VTI1A: variants seen among roughly 807,000 people sequenced by gnomAD.
VTI1A encodes the protein vesicle transport through interaction with t-SNAREs 1A.
Under a neutral mutation model 34.9 loss-of-function variants are expected in VTI1A, and 22 were observed. The observed-to-expected ratio is 0.63, with a 90% CI of 0.45 to 0.90. The LOEUF is 0.90. Ranked by LOEUF, VTI1A falls within the 40% of genes least tolerant of loss-of-function variation. VTI1A has a pLI of 0.00. For synonymous variants in VTI1A, 87 were observed against 97.3 expected, an observed-to-expected ratio of 0.89 and a Z score of 0.62; for missense variants, 268 against 275.6, an observed-to-expected ratio of 0.97 and a Z score of 0.20.
chr10:112,475,599 A>G (rs995407483), intron 3 of VTI1A, among the ~76,000 whole-genome samples: 6 of 151,736 alleles, frequency 4.0e-5, no homozygotes, highest in African/African-American at 1.5e-4. Flanking sequence ...TGCTTTATAT[A>G]TGTATATAGT....
intron 5 of VTI1A, among the ~76,000 whole-genome samples, chr10:112,545,986 GTATATA>G (rs1564821319): frequency 4.6e-4 from 66 of 143,228 alleles, no homozygotes; most frequent in Non-Finnish European, 6.6e-4. Context: ...GTATGTGTGT[GTATATA>G]CGTGTATACG....
At chr10:112,516,426 C>CTATT (rs764932258) in intron 3 of VTI1A, among the ~76,000 whole-genome samples, 25 of 152,078 alleles carry the variant, frequency 1.6e-4, no homozygotes, top group Non-Finnish European at 2.5e-4. Context: ...TATTTGCTTT[C>CTATT]TATTTTAATA....
intron 7 of VTI1A, among the ~76,000 whole-genome samples, chr10:112,735,328 A>G (rs774509383): frequency 2.0e-5 from 3 of 152,240 alleles, no homozygotes; most frequent in Non-Finnish European, 4.4e-5. Flanking sequence ...GGGCTACTCA[A>G]ACATTTACCT....
intron 1 of VTI1A, among the ~76,000 whole-genome samples, chr10:112,452,310 C>T (rs1462809038): frequency 6.6e-6 from 1 of 152,178 alleles, no homozygotes; most frequent in Non-Finnish European, 1.5e-5. Context: ...GTGGCTCACA[C>T]TGTAATCTCA....
At chr10:112,458,081 TTGAC>T (rs1164780830) in intron 1 of VTI1A, among the ~76,000 whole-genome samples, 5 of 151,916 alleles carry the variant, frequency 3.3e-5, no homozygotes, top group Non-Finnish European at 5.9e-5. Flanking sequence ...TTCAAGAAAA[TTGAC>T]TGGTGATGAA....
chr10:112,575,281 TGAAAGTTAG>T (rs1431838625), intron 5 of VTI1A, among the ~76,000 whole-genome samples: 2 of 152,248 alleles, frequency 1.3e-5, no homozygotes, highest in Admixed American at 1.3e-4. Flanking sequence ...TGAAAACTGA[TGAAAGTTAG>T]GTTGTGTTCC....
At chr10:112,575,881 T>A (rs545675669) in intron 5 of VTI1A, among the ~76,000 whole-genome samples, 1 of 152,184 alleles carries the variant, frequency 6.6e-6, no homozygotes, top group Non-Finnish European at 1.5e-5. Context: ...TTAGATGATA[T>A]CTTGTTGAAG....
At chr10:112,513,430 T>C (rs1429648969) in intron 3 of VTI1A, among the ~76,000 whole-genome samples, 1 of 151,982 alleles carries the variant, frequency 6.6e-6, no homozygotes. Context: ...TTTTAACAGT[T>C]TTTTGGTGGC....
At chr10:112,803,865 A>C (rs996386737) in intron 7 of VTI1A, among the ~76,000 whole-genome samples, 1 of 152,192 alleles carries the variant, frequency 6.6e-6, no homozygotes, top group Non-Finnish European at 1.5e-5. Context: ...TATACCTTGC[A>C]TTTCTAGAAC....
intron 7 of VTI1A, among the ~76,000 whole-genome samples, chr10:112,677,033 A>G (rs527901870): frequency 3.3e-5 from 5 of 152,278 alleles, no homozygotes; most frequent in African/African-American, 1.2e-4. Flanking sequence ...AGTGAAAGTA[A>G]TGGCGTGGAA....
At chr10:112,527,420 T>G (rs1037450483) in intron 4 of VTI1A, 2 of 279,930 alleles carry the variant, frequency 7.1e-6, no homozygotes, top group African/African-American at 2.2e-5. Flanking sequence ...ATTTAGTACT[T>G]AAGGAATAAC....
At chr10:112,833,158 A>G in the VTI1A span, among the ~76,000 whole-genome samples, 3 of 152,060 alleles carry the variant, frequency 2.0e-5, no homozygotes, top group South Asian at 4.1e-4. Context: ...CTCCTGACAG[A>G]CATTGCTAAT....
intron 1 of VTI1A, among the ~76,000 whole-genome samples, chr10:112,459,015 C>T (rs1302649540): frequency 1.3e-5 from 2 of 152,110 alleles, no homozygotes; most frequent in African/African-American, 4.8e-5. Context: ...ATTGGCTGTC[C>T]TTCTGAAGGC....
intron 7 of VTI1A, among the ~76,000 whole-genome samples, chr10:112,687,428 T>A (rs1254103410): frequency 2.6e-5 from 4 of 151,250 alleles, no homozygotes; most frequent in African/African-American, 9.7e-5. Flanking sequence ...AGAGATGGGG[T>A]TTCACCTTGT....
chr10:112,760,889 C>CAAAA (rs10592117), intron 7 of VTI1A, among the ~76,000 whole-genome samples: 42 of 94,256 alleles, frequency 4.5e-4, no homozygotes, highest in African/African-American at 1.4e-3. Flanking sequence ...ACTCCATCTC[C>CAAAA]AAAAAAAAAA....
chr10:112,807,611 G>A (rs904645710), intron 7 of VTI1A, among the ~76,000 whole-genome samples: 17 of 152,012 alleles, frequency 1.1e-4, no homozygotes, highest in African/African-American at 9.7e-5. Context: ...CCAGCACTTC[G>A]GGGAGGCCAA....
At chr10:112,642,111 A>T (rs1846598940) in intron 5 of VTI1A, among the ~76,000 whole-genome samples, 1 of 152,172 alleles carries the variant, frequency 6.6e-6, no homozygotes. Flanking sequence ...GTAGGCCTCT[A>T]TTTACATCAA....
At chr10:112,659,356 G>A (rs1185214682) in intron 5 of VTI1A, among the ~76,000 whole-genome samples, 1 of 152,136 alleles carries the variant, frequency 6.6e-6, no homozygotes, top group Non-Finnish European at 1.5e-5. Context: ...TCATTTTATA[G>A]GATAGAATGG....
intron 5 of VTI1A, among the ~76,000 whole-genome samples, chr10:112,659,706 C>T (rs188895797): frequency 8.5e-5 from 13 of 152,306 alleles, no homozygotes; most frequent in East Asian, 1.9e-4. Context: ...CATACACGCA[C>T]GCAGACACAC....
Sources: allele counts gnomAD v4.1 joint callset (sites outside exome capture counted in the v4.1 genomes callset), GRCh38; gene constraint gnomAD v4.1.1; transcripts MANE v1.5; gene names NCBI Gene and HGNC (gene_info 2026-07-23, HGNC 2026-07-21).